Variants in CCDC93 observed in about 807,000 individuals in gnomAD.
CCDC93 encodes the protein CCC complex scaffolding subunit CCDC93.
Under a neutral mutation model 108.2 loss-of-function variants are expected in CCDC93, and 61 were observed. The observed-to-expected ratio is 0.56, with a 90% CI of 0.46 to 0.70. The LOEUF (loss-of-function observed/expected upper bound fraction) is 0.70, where lower values mean the gene tolerates loss of function less well. Ranked by LOEUF, CCDC93 falls within the 30% of genes least tolerant of loss-of-function variation. The pLI is 0.00. For missense variants in CCDC93, 685 were observed against 764.2 expected, an observed-to-expected ratio of 0.90 and a Z score of 1.22; for synonymous variants, 276 against 260.4, an observed-to-expected ratio of 1.06 and a Z score of -0.58.
chr2:117,949,355 G>C lies in CCDC93; in HGVS notation c.1109C>G (p.Ala370Gly). ...YSEKLDKEQA[A>G]LEKIESKADP... ...AGCTTTGGATTCTATCTTCTCGAGG[G>C]CTGCTTGCTCTTTGTCCAGTTTCTC... The change falls in exon 14 of 24, where the codon GCC becomes GGC. Residue 370 changes from alanine (A) to glycine (G), a missense_variant. Coordinates refer to ENST00000376300, the MANE Select transcript of CCDC93 (RefSeq NM_019044.5). 1 of 1,613,748 alleles carries C rather than the reference G, an allele frequency of 6.2e-7. No individual in the cohort carries two copies. The highest frequency in any genetic ancestry group is 1.1e-5 in the South Asian group (1 of 91,070).
At chr2:117,972,241 G>A (rs535751638) in intron 11 of CCDC93, among the ~76,000 whole-genome samples, 65 of 152,224 alleles carry the variant, frequency 4.3e-4, no homozygotes, top group Non-Finnish European at 8.4e-4. Context: ...ATCTTGGCAC[G>A]GCTTCCTGTC....
Position 117,948,088 on chromosome 2 carries a change from CA to C in CCDC93, c.1224+16del. On this transcript the variant is annotated intron_variant, in intron 15 of 23. Coordinates refer to ENST00000376300, the MANE Select transcript of CCDC93 (RefSeq NM_019044.5). ...ATAAGCGTCCTGGTTTATTTGCTGA[CA>C]CCAAACAACACTTACTCGACAATGT... is the stretch of plus-strand genomic sequence containing the variant. The C allele has an allele frequency of 6.3e-7, 1 of 1,593,264 alleles. No homozygotes were observed. The highest frequency in any genetic ancestry group is 2.2e-5 in the East Asian group (1 of 44,744).
chr2:118,013,855 C>G, intron 1 of CCDC93, 99 bp downstream of exon 1: 1 of 1,041,856 alleles, frequency 9.6e-7, no homozygotes, highest in Non-Finnish European at 1.4e-6. Context: ...GGGGGCGGGG[C>G]GCCCCTAACG....
chr2:117,963,252 C>G (rs1332850062), intron 11 of CCDC93, among the ~76,000 whole-genome samples: 1 of 152,196 alleles, frequency 6.6e-6, no homozygotes, highest in East Asian at 1.9e-4. Context: ...TACACCCCCT[C>G]CCAATGCACA....
At chr2:117,932,534 A>C (rs1416537392) in intron 22 of CCDC93, among the ~76,000 whole-genome samples, 1 of 152,124 alleles carries the variant, frequency 6.6e-6, no homozygotes, top group African/African-American at 2.4e-5. Context: ...CCTGAGTCCC[A>C]AGACCCTGTG....
chr2:117,985,453 C>T (rs1680287535), intron 7 of CCDC93: 1 of 973,204 alleles, frequency 1.0e-6, no homozygotes, highest in African/African-American at 1.8e-5. Flanking sequence ...CAGTGACAAG[C>T]AAAAAATTCA....
At chr2:117,976,695 CAG>C (rs1679953270) in intron 8 of CCDC93, among the ~76,000 whole-genome samples, 2 of 152,094 alleles carry the variant, frequency 1.3e-5, no homozygotes, top group African/African-American at 4.8e-5. Flanking sequence ...GTAAATTATC[CAG>C]AGTCACTCAG....
intron 23 of CCDC93, among the ~76,000 whole-genome samples, chr2:117,922,551 T>C (rs1677906448): frequency 6.6e-6 from 1 of 152,180 alleles, no homozygotes; most frequent in Non-Finnish European, 1.5e-5. Context: ...CCACGGTGCA[T>C]AACTGTTGCC....
intron 13 of CCDC93, chr2:117,950,116 G>C (rs528853117): frequency 1.0e-6 from 1 of 985,414 alleles, no homozygotes; most frequent in Admixed American, 6.1e-5. Context: ...TCAGCAAACA[G>C]TAGGTAGATC....
At chr2:117,987,702 T>C (rs892389073) in intron 6 of CCDC93, among the ~76,000 whole-genome samples, 3 of 152,212 alleles carry the variant, frequency 2.0e-5, no homozygotes, top group Non-Finnish European at 4.4e-5. Flanking sequence ...GTAAAGATAC[T>C]GGCTTGGTAA....
intron 23 of CCDC93, among the ~76,000 whole-genome samples, chr2:117,920,838 A>C (rs1218720110): frequency 6.6e-6 from 1 of 152,218 alleles, no homozygotes; most frequent in East Asian, 1.9e-4. Context: ...GTGAAAGTTA[A>C]GAATATTCTT....
intron 5 of CCDC93, 98 bp from the exon 6 acceptor site, chr2:117,995,600 T>A: frequency 2.1e-6 from 2 of 937,610 alleles, no homozygotes; most frequent in South Asian, 1.4e-5. Flanking sequence ...TCTCATCTCA[T>A]CACTACTTTG....
intron 23 of CCDC93, among the ~76,000 whole-genome samples, chr2:117,928,583 T>A (rs1678208884): frequency 6.6e-6 from 1 of 152,186 alleles, no homozygotes; most frequent in South Asian, 2.1e-4. Flanking sequence ...CCAGTTAGAA[T>A]GGCAATCATT....
At chr2:118,004,535 G>A (rs1472385134) in intron 3 of CCDC93, among the ~76,000 whole-genome samples, 3 of 152,172 alleles carry the variant, frequency 2.0e-5, no homozygotes, top group African/African-American at 4.8e-5. Context: ...ACTGGAAGAC[G>A]GCAAACATAA....
At position 117,931,084 on chromosome 2, in the gene CCDC93, A is replaced by G. The variant is rs1266187203; in HGVS notation, c.1795T>C (p.Leu599=). The G allele has an allele frequency of 6.2e-7, 1 of 1,613,850 alleles. No individual in the cohort carries two copies. Among genetic ancestry groups the G allele is most frequent in the Non-Finnish European group, 8.5e-7 (1 of 1,179,898 alleles). Residue 599 remains leucine, a synonymous_variant, in exon 23 of 24, where the codon TTA becomes CTA. Transcript: ENST00000376300. ...DQLNDQYLEL[L]EKQRLYFKTV... is the part of the protein sequence containing the mutation. ...TTAAAGTATAGCCTCTGCTTTTCTA[A>G]CAGCTCCAAGTACTGGTCGTTCAAC...
At chr2:117,921,299 G>C (rs1677862848) in intron 23 of CCDC93, among the ~76,000 whole-genome samples, 1 of 152,002 alleles carries the variant, frequency 6.6e-6, no homozygotes, top group East Asian at 1.9e-4. Context: ...TGTAGAATCT[G>C]ACATCCAGTG....
At chr2:117,928,845 T>G (rs58618253) in intron 23 of CCDC93, among the ~76,000 whole-genome samples, 87,876 of 151,912 alleles carry the variant, frequency 0.58, 25,741 homozygotes, top group Middle Eastern at 0.63. Context: ...CAATAGCAAA[T>G]ACTTGGAACC....
Position 117,918,001 on chromosome 2 carries a change from C to CTGGAG in CCDC93, c.*2341_*2342insCTCCA, listed in dbSNP as rs1489503085. 2 of 151,506 alleles carry CTGGAG rather than the reference C, an allele frequency of 1.3e-5. No homozygotes were observed. Among genetic ancestry groups the CTGGAG allele is most frequent in the Non-Finnish European group, 1.5e-5 (1 of 67,962 alleles). The allele number at this position is 151,506 out of a possible 1,614,324, so 9.4% of individuals were successfully genotyped here. On this transcript the variant is annotated 3_prime_UTR_variant, in exon 24 of 24. Transcript: ENST00000376300. ...AGGATGTTCTTGCTTCCTTTTAACT[C>CTGGAG]CGGAGAAGCCTGTGGGCTTAGAGCA... is the stretch of plus-strand genomic sequence containing the variant.
At chr2:117,924,780 G>T (rs796217998) in intron 23 of CCDC93, among the ~76,000 whole-genome samples, 1 of 152,104 alleles carries the variant, frequency 6.6e-6, no homozygotes, top group South Asian at 2.1e-4. Flanking sequence ...TACAGAGAAT[G>T]CCACAAAGAT....
Sources: allele counts gnomAD v4.1 joint callset (sites outside exome capture counted in the v4.1 genomes callset), GRCh38; gene constraint gnomAD v4.1.1; transcripts MANE v1.5; gene names NCBI Gene and HGNC (gene_info 2026-07-23, HGNC 2026-07-21).